Variants in STK32C observed in about 807,000 individuals in gnomAD.
STK32C encodes serine/threonine-protein kinase 32C.
STK32C carries 31 observed loss-of-function variants against 56.5 expected under a neutral mutation model. The ratio of observed to expected loss-of-function variants is 0.55; its 90% confidence interval spans 0.41 to 0.74. STK32C has a LOEUF of 0.74. Ranked by LOEUF, STK32C falls within the 30% of genes least tolerant of loss-of-function variation. The pLI, the probability that STK32C is intolerant of heterozygous loss-of-function variation, is 0.00. For missense variants in STK32C, 544 were observed against 676.9 expected (o/e 0.80, Z 2.18); for synonymous variants, 309 against 289.4 (o/e 1.07, Z -0.69).
intron 1 of STK32C, among the ~76,000 whole-genome samples, chr10:132,297,123 T>C (rs921679156): frequency 2.0e-5 from 3 of 152,222 alleles, no homozygotes; most frequent in African/African-American, 7.2e-5. Flanking sequence ...AGTCACGGCT[T>C]AGGCCCCTTC....
Position 132,207,782 on chromosome 10 carries a change from G to A in STK32C, c.*228C>T, listed in dbSNP as rs564132696. The A allele has an allele frequency of 5.9e-5, 27 of 457,936 alleles. No homozygotes were observed. The highest frequency in any genetic ancestry group is 3.0e-4 in the African/African-American group (15 of 49,796). The allele number at this position is 457,936 out of a possible 1,614,324, so 28.4% of individuals were successfully genotyped here. A position where few individuals can be genotyped will look rare whatever the true frequency, so the allele number is the denominator to read the frequency against. ...CCAGCAGCGCTTCCTCCATCTAGGC[G>A]GGTCTCGGGGGCCCACGGGAAATGC... On this transcript the variant is annotated 3_prime_UTR_variant, in exon 12 of 12. Coordinates refer to ENST00000298630, the MANE Select transcript of STK32C (RefSeq NM_173575.4).
chr10:132,219,152 T>C (rs1590151859), intron 10 of STK32C, among the ~76,000 whole-genome samples: 1 of 152,238 alleles, frequency 6.6e-6, no homozygotes, highest in Admixed American at 6.5e-5. Flanking sequence ...CCTGTGACTA[T>C]ATTAAAAACC....
chr10:132,319,198 C>T (rs549831930), downstream of STK32C, among the ~76,000 whole-genome samples: 4 of 152,346 alleles, frequency 2.6e-5, no homozygotes, highest in South Asian at 8.3e-4. Context: ...ATCCGCCCAC[C>T]TCGGCCTCCC....
At chr10:132,271,943 C>T (rs1324139038) in intron 1 of STK32C, among the ~76,000 whole-genome samples, 4 of 152,230 alleles carry the variant, frequency 2.6e-5, no homozygotes, top group African/African-American at 7.2e-5. Flanking sequence ...CGGACCTCCT[C>T]ATGTTTGTGT....
chr10:132,208,667 C>A (rs1332817689), intron 11 of STK32C, among the ~76,000 whole-genome samples: 1 of 152,158 alleles, frequency 6.6e-6, no homozygotes, highest in Non-Finnish European at 1.5e-5. Context: ...GTCATCTGTG[C>A]CCTTTCTGTC....
intron 1 of STK32C, among the ~76,000 whole-genome samples, chr10:132,302,490 G>A (rs1002361715): frequency 1.3e-5 from 2 of 152,180 alleles, no homozygotes; most frequent in African/African-American, 4.8e-5. Flanking sequence ...GGGAAGCCAG[G>A]AGCAAACATG....
chr10:132,212,016 C>A (rs1212497993), intron 10 of STK32C, among the ~76,000 whole-genome samples: 2 of 152,112 alleles, frequency 1.3e-5, no homozygotes, highest in African/African-American at 4.8e-5. Context: ...ATGTCACCCA[C>A]AGCGAGGAGG....
intron 2 of STK32C, among the ~76,000 whole-genome samples, chr10:132,245,124 C>T (rs1020116100): frequency 2.0e-5 from 3 of 152,152 alleles, no homozygotes; most frequent in Admixed American, 2.0e-4. Context: ...TATTATGCTC[C>T]GGTAGCATGG....
intron 8 of STK32C, 143 bp from the exon 9 acceptor site, chr10:132,223,129 A>G: frequency 8.6e-7 from 1 of 1,169,528 alleles, no homozygotes; most frequent in Non-Finnish European, 1.2e-6. Flanking sequence ...CCACGCGAGG[A>G]AGGGTGGTGC....
At chr10:132,213,851 A>G (rs940590943) in intron 10 of STK32C, among the ~76,000 whole-genome samples, 14 of 152,274 alleles carry the variant, frequency 9.2e-5, no homozygotes, top group African/African-American at 3.1e-4. Flanking sequence ...TGCTGGAAGT[A>G]GAAAACACTG....
At chr10:132,318,762 G>T (rs1183797707) in intron 1 of STK32C, among the ~76,000 whole-genome samples, 2 of 151,748 alleles carry the variant, frequency 1.3e-5, no homozygotes, top group African/African-American at 2.4e-5. Flanking sequence ...ATTGCTTTTA[G>T]TTTATTTTTT....
intron 1 of STK32C, among the ~76,000 whole-genome samples, chr10:132,276,759 C>A (rs1031352328): frequency 6.6e-6 from 1 of 151,974 alleles, no homozygotes; most frequent in African/African-American, 2.4e-5. Flanking sequence ...TGCAGTCCAG[C>A]CTGGTGACAG....
intron 1 of STK32C, among the ~76,000 whole-genome samples, chr10:132,257,318 A>C (rs1046829710): frequency 1.3e-5 from 2 of 152,058 alleles, no homozygotes; most frequent in Admixed American, 6.5e-5. Context: ...GGGGTCCTGC[A>C]CAGCCCTCCC....
intron 1 of STK32C, among the ~76,000 whole-genome samples, chr10:132,260,751 C>T (rs556311037): frequency 6.6e-5 from 10 of 152,228 alleles, no homozygotes; most frequent in Non-Finnish European, 1.2e-4. Context: ...TGCTTCACCA[C>T]GTGCCCATCA....
intron 1 of STK32C, among the ~76,000 whole-genome samples, chr10:132,313,572 T>C (rs7078903): frequency 0.29 from 44,172 of 152,162 alleles, 6,998 homozygotes; most frequent in African/African-American, 0.37. Context: ...ATGCCAGTCC[T>C]GACAGAGCAT....
At chr10:132,310,367 T>C (rs1019205526), upstream of STK32C, among the ~76,000 whole-genome samples, 1 of 152,216 alleles carries the variant, frequency 6.6e-6, no homozygotes, top group Non-Finnish European at 1.5e-5. This position sits in a 1 kb window ranked among gnomAD's most constrained non-coding sequence, Gnocchi z 4.6. Context: ...ACTCTTGTAC[T>C]GTCCAGGTGC....
At chr10:132,258,338 C>CA (rs1408929603) in intron 1 of STK32C, among the ~76,000 whole-genome samples, 1 of 152,250 alleles carries the variant, frequency 6.6e-6, no homozygotes, top group African/African-American at 2.4e-5. Flanking sequence ...CACCTTTCCC[C>CA]AAACCATCAA....
intron 2 of STK32C, among the ~76,000 whole-genome samples, chr10:132,234,307 C>T (rs774208244): frequency 6.6e-6 from 1 of 152,228 alleles, no homozygotes; most frequent in Non-Finnish European, 1.5e-5. Context: ...GTCCTCCTGA[C>T]ACTTCCCGAT....
At chr10:132,258,896 G>A (rs1032161238) in intron 1 of STK32C, among the ~76,000 whole-genome samples, 5 of 152,268 alleles carry the variant, frequency 3.3e-5, no homozygotes, top group East Asian at 1.9e-4. Flanking sequence ...GTGGGCAGAC[G>A]GGGGTTGAGG....
Sources: allele counts gnomAD v4.1 joint callset (sites outside exome capture counted in the v4.1 genomes callset), GRCh38; gene constraint gnomAD v4.1.1; non-coding constraint Gnocchi (gnomAD v3.1); transcripts MANE v1.5; gene names NCBI Gene and HGNC (gene_info 2026-07-23, HGNC 2026-07-21).